Variants in AGBL1 observed in about 807,000 individuals in gnomAD.
The protein encoded by AGBL1 is cytosolic carboxypeptidase 4.
In AGBL1, 130 loss-of-function variants were observed where a neutral mutation model predicts 118.9. That is an observed-to-expected ratio of 1.09 (90% CI 0.95 to 1.26). The LOEUF is 1.26. Among genes scored for constraint, AGBL1 ranks in the 50% most tolerant of loss-of-function variants. The probability of loss-of-function intolerance (pLI) is 0.00; values close to 1 mark genes in which losing one functional copy is unlikely to be tolerated. For missense variants in AGBL1, 1,584 were observed against 1,298.1 expected (o/e 1.22, Z -3.38); for synonymous variants, 555 against 478.9 (o/e 1.16, Z -2.08).
intron 21 of AGBL1, among the ~76,000 whole-genome samples, chr15:86,592,783 C>A (rs551440356): frequency 3.1e-4 from 47 of 152,308 alleles, no homozygotes; most frequent in African/African-American, 1.1e-3. Context: ...GGGAAACTGC[C>A]TTTCCCTGGT....
chr15:86,739,081 T>C (rs2077640904), intron 22 of AGBL1, among the ~76,000 whole-genome samples: 1 of 151,940 alleles, frequency 6.6e-6, no homozygotes, highest in African/African-American at 2.4e-5. Flanking sequence ...GGGAGGTTGA[T>C]GCTGCAGTGA....
chr15:86,663,436 T>TAAAGAGA (rs2085582756), intron 21 of AGBL1, among the ~76,000 whole-genome samples: 1 of 152,124 alleles, frequency 6.6e-6, no homozygotes, highest in African/African-American at 2.4e-5. Flanking sequence ...GACCCAGGTC[T>TAAAGAGA]AAAGAGATTA....
At chr15:86,664,844 A>T (rs1302511663) in intron 21 of AGBL1, among the ~76,000 whole-genome samples, 1 of 126,902 alleles carries the variant, frequency 7.9e-6, no homozygotes, top group Non-Finnish European at 1.7e-5. Flanking sequence ...TTAAAATCAC[A>T]TATTACATAA....
At chr15:86,823,428 C>T (rs2078968028) in intron 22 of AGBL1, among the ~76,000 whole-genome samples, 1 of 152,142 alleles carries the variant, frequency 6.6e-6, no homozygotes, top group South Asian at 2.1e-4. Context: ...AATATCTCAC[C>T]TGAAGAAGGA....
intron 24 of AGBL1, among the ~76,000 whole-genome samples, chr15:86,989,569 G>C (rs1430869721): frequency 1.3e-5 from 2 of 152,214 alleles, no homozygotes; most frequent in South Asian, 2.1e-4. Context: ...TAAATTTGTT[G>C]ATTAATTGCC....
chr15:86,758,195 A>T (rs1011913391), intron 22 of AGBL1, among the ~76,000 whole-genome samples: 4 of 151,966 alleles, frequency 2.6e-5, no homozygotes, highest in African/African-American at 9.7e-5. Flanking sequence ...ATACCATAAG[A>T]CTATTTGTTT....
chr15:86,746,766 C>T (rs755922028), intron 22 of AGBL1, among the ~76,000 whole-genome samples: 16 of 151,898 alleles, frequency 1.1e-4, no homozygotes, highest in East Asian at 1.9e-4. Flanking sequence ...ATTAGTATGA[C>T]GCTGGCCCCC....
chr15:86,351,221 A>G (rs2095818760), intron 17 of AGBL1, among the ~76,000 whole-genome samples: 1 of 152,208 alleles, frequency 6.6e-6, no homozygotes, highest in Admixed American at 6.5e-5. Context: ...GTGGAAGGAC[A>G]AAGACTAGGT....
intron 22 of AGBL1, among the ~76,000 whole-genome samples, chr15:86,870,623 T>C (rs2079713582): frequency 6.6e-6 from 1 of 152,108 alleles, no homozygotes; most frequent in Admixed American, 6.6e-5. Context: ...TTGAGATTTA[T>C]TTCAGACATA....
chr15:86,704,355 A>G (rs1268396919), intron 22 of AGBL1, among the ~76,000 whole-genome samples: 1 of 152,228 alleles, frequency 6.6e-6, no homozygotes. Context: ...CAGGCACCCT[A>G]CAGAATAGGA....
At chr15:86,809,962 C>G (rs1210574663) in intron 22 of AGBL1, among the ~76,000 whole-genome samples, 2 of 151,952 alleles carry the variant, frequency 1.3e-5, no homozygotes, top group Non-Finnish European at 2.9e-5. Flanking sequence ...ACCTCTAACA[C>G]AAAATATTTG....
intron 21 of AGBL1, among the ~76,000 whole-genome samples, chr15:86,572,198 C>G (rs114846836): frequency 1.6e-3 from 237 of 152,130 alleles, no homozygotes; most frequent in African/African-American, 5.5e-3. Flanking sequence ...AGTGCCGGCT[C>G]CCTTCCTGGG....
chr15:86,539,619 TCTC>T (rs1329369896), intron 19 of AGBL1, among the ~76,000 whole-genome samples: 4 of 152,204 alleles, frequency 2.6e-5, no homozygotes, highest in Non-Finnish European at 4.4e-5. Context: ...CCTAATTTAT[TCTC>T]CTTTCACTCT....
chr15:86,209,404 T>G (rs1034735742), intron 5 of AGBL1, among the ~76,000 whole-genome samples: 1 of 152,328 alleles, frequency 6.6e-6, no homozygotes, highest in South Asian at 2.1e-4. Flanking sequence ...CTGTCTAATA[T>G]TGACAGTGGA....
At chr15:86,375,331 G>A (rs1242075288) in intron 17 of AGBL1, among the ~76,000 whole-genome samples, 1 of 152,140 alleles carries the variant, frequency 6.6e-6, no homozygotes, top group Admixed American at 6.5e-5. Flanking sequence ...GAAGCATGAA[G>A]GAGGAATTTC....
chr15:86,239,736 A>T (rs1449053774), intron 6 of AGBL1, among the ~76,000 whole-genome samples: 1 of 152,186 alleles, frequency 6.6e-6, no homozygotes, highest in South Asian at 2.1e-4. Context: ...GAGGAGGGGG[A>T]TTGGCTAAAA....
intron 7 of AGBL1, among the ~76,000 whole-genome samples, chr15:86,254,616 G>A (rs1178809375): frequency 1.3e-5 from 2 of 152,274 alleles, no homozygotes; most frequent in Non-Finnish European, 2.9e-5. Context: ...TGGGAAAAGG[G>A]AGCCTAAAAT....
At chr15:86,919,503 A>C (rs1342928749), downstream of AGBL1, among the ~76,000 whole-genome samples, 3 of 152,068 alleles carry the variant, frequency 2.0e-5, no homozygotes, top group Non-Finnish European at 4.4e-5. Flanking sequence ...CCAGCAAGGG[A>C]GAATGAATTG....
intron 3 of AGBL1, among the ~76,000 whole-genome samples, chr15:86,147,729 G>A (rs1567085591): frequency 6.6e-6 from 1 of 152,208 alleles, no homozygotes; most frequent in Non-Finnish European, 1.5e-5. Context: ...AAACATCCCT[G>A]TCTGACAACT....
Sources: allele counts gnomAD v4.1 joint callset (sites outside exome capture counted in the v4.1 genomes callset), GRCh38; gene constraint gnomAD v4.1.1; transcripts MANE v1.5; gene names NCBI Gene and HGNC (gene_info 2026-07-23, HGNC 2026-07-21).